Variants in ADK observed in about 807,000 individuals in gnomAD.
ADK encodes adenosine kinase.
A neutral mutation model predicts 44.7 loss-of-function variants in ADK; 24 were observed. The observed-to-expected ratio is 0.54, with a 90% CI of 0.39 to 0.76. The LOEUF is 0.76. Ranked by LOEUF, ADK falls within the 30% of genes least tolerant of loss-of-function variation. The pLI is 0.00. For synonymous variants in ADK, 128 were observed against 142.6 expected (o/e 0.90, Z 0.73); for missense variants, 321 against 425.1 (o/e 0.76, Z 2.15).
At chr10:74,415,765 T>C (rs1844346990) in intron 6 of ADK, among the ~76,000 whole-genome samples, 4 of 152,052 alleles carry the variant, frequency 2.6e-5, no homozygotes, top group Admixed American at 2.6e-4. Flanking sequence ...CCATACCCCC[T>C]GGATTTAATC....
At chr10:74,534,371 A>G (rs1849384285) in intron 7 of ADK, among the ~76,000 whole-genome samples, 2 of 152,220 alleles carry the variant, frequency 1.3e-5, no homozygotes, top group Non-Finnish European at 2.9e-5. Flanking sequence ...CCAAAAATAC[A>G]CTGCTAAAAT....
chr10:74,199,114 G>A (rs1369977213), intron 1 of ADK, among the ~76,000 whole-genome samples: 1 of 152,152 alleles, frequency 6.6e-6, no homozygotes, highest in African/African-American at 2.4e-5. Context: ...GATATCCATT[G>A]TGAAGACCCT....
intron 4 of ADK, among the ~76,000 whole-genome samples, chr10:74,385,830 T>G (rs1017200987): frequency 6.6e-6 from 1 of 152,208 alleles, no homozygotes; most frequent in African/African-American, 2.4e-5. Context: ...TTTTTTCTAC[T>G]AGGCCTAATA....
chr10:74,459,644 G>A (rs1209343237), intron 6 of ADK, among the ~76,000 whole-genome samples: 1 of 148,600 alleles, frequency 6.7e-6, no homozygotes, highest in Admixed American at 6.9e-5. Context: ...CAGGAAAATC[G>A]CTTGAACCAG....
At chr10:74,177,040 C>T (rs1842369378) in intron 1 of ADK, among the ~76,000 whole-genome samples, 1 of 152,230 alleles carries the variant, frequency 6.6e-6, no homozygotes, top group African/African-American at 2.4e-5. Flanking sequence ...TTCATTTGGG[C>T]ATTTCTGCTT....
At chr10:74,635,490 G>A (rs11001090) in intron 9 of ADK, among the ~76,000 whole-genome samples, 22,626 of 152,098 alleles carry the variant, frequency 0.15, 2,810 homozygotes, top group East Asian at 0.57. Context: ...ACTTTTGATG[G>A]GGATTAGTAA....
intron 7 of ADK, among the ~76,000 whole-genome samples, chr10:74,534,791 A>G (rs971482645): frequency 6.6e-6 from 1 of 152,246 alleles, no homozygotes; most frequent in African/African-American, 2.4e-5. Context: ...AACATAATGA[A>G]TATAGTACCA....
At chr10:74,251,797 A>G (rs1454600878) in intron 3 of ADK, among the ~76,000 whole-genome samples, 3 of 152,082 alleles carry the variant, frequency 2.0e-5, no homozygotes, top group Non-Finnish European at 4.4e-5. Context: ...TGTCATAGCT[A>G]AGGTCTGTAA....
chr10:74,443,468 C>A (rs1845493310), intron 6 of ADK, among the ~76,000 whole-genome samples: 1 of 152,098 alleles, frequency 6.6e-6, no homozygotes, highest in South Asian at 2.1e-4. Flanking sequence ...ATTGTATGAT[C>A]TCATTCATGA....
intron 7 of ADK, among the ~76,000 whole-genome samples, chr10:74,579,073 A>G (rs1181637541): frequency 6.6e-6 from 1 of 152,090 alleles, no homozygotes; most frequent in East Asian, 1.9e-4. Flanking sequence ...ATCTCTACTG[A>G]AAATACAGAA....
chr10:74,580,921 G>T (rs1407229915), intron 7 of ADK, among the ~76,000 whole-genome samples: 1 of 151,964 alleles, frequency 6.6e-6, no homozygotes, highest in Non-Finnish European at 1.5e-5. Context: ...GTAGTTTCTA[G>T]CTACTTGAGA....
chr10:74,362,011 T>G (rs1347754633), intron 4 of ADK, among the ~76,000 whole-genome samples: 2 of 152,210 alleles, frequency 1.3e-5, no homozygotes, highest in Non-Finnish European at 2.9e-5. Flanking sequence ...CCTTTGACCT[T>G]TGTGAGTTTG....
At chr10:74,693,352 G>T (rs2134272774) in intron 10 of ADK, among the ~76,000 whole-genome samples, 1 of 152,216 alleles carries the variant, frequency 6.6e-6, no homozygotes, top group South Asian at 2.1e-4. Context: ...AAACCCAAGT[G>T]GGAAAACCTT....
chr10:74,665,779 G>GAGAGAC (rs1449559030), intron 9 of ADK, among the ~76,000 whole-genome samples: 80 of 138,976 alleles, frequency 5.8e-4, no homozygotes, highest in African/African-American at 2.0e-3. Context: ...GAGAGAGAGA[G>GAGAGAC]AGACAGACAG....
chr10:74,321,467 A>G (rs964467738), intron 4 of ADK, among the ~76,000 whole-genome samples: 4 of 151,912 alleles, frequency 2.6e-5, no homozygotes, highest in Admixed American at 1.3e-4. Flanking sequence ...ACTTTTTTGT[A>G]GAGATTGGGT....
At chr10:74,644,451 T>A (rs1853988286) in intron 9 of ADK, among the ~76,000 whole-genome samples, 1 of 152,230 alleles carries the variant, frequency 6.6e-6, no homozygotes, top group African/African-American at 2.4e-5. Flanking sequence ...AGGTCTCAAT[T>A]TAGGATTTAA....
chr10:74,394,025 A>G (rs1337955240), intron 4 of ADK, 116 bp from the exon 5 acceptor site: 7 of 1,067,206 alleles, frequency 6.6e-6, no homozygotes, highest in South Asian at 5.0e-5. Flanking sequence ...AATCCCATTC[A>G]TAACAGCTAC....
intron 6 of ADK, among the ~76,000 whole-genome samples, chr10:74,475,585 G>C (rs1168828518): frequency 6.6e-6 from 1 of 151,810 alleles, no homozygotes. Context: ...ACATGTGCCT[G>C]AGACCTAGCT....
At chr10:74,372,360 A>G in intron 4 of ADK, 1 of 742,938 alleles carries the variant, frequency 1.3e-6, no homozygotes, top group Non-Finnish European at 2.5e-6. Flanking sequence ...AGGCTGGTCC[A>G]CAGCTCCCAA....
Sources: gnomAD v4.1 joint callset for allele counts (sites outside exome capture counted in the v4.1 genomes callset) on GRCh38, gnomAD v4.1.1 for gene constraint, MANE v1.5 for transcripts, NCBI Gene and HGNC (gene_info 2026-07-23, HGNC 2026-07-21) for gene names.